The following TAS2R1 variants were observed in gnomAD, a reference collection of about 807,000 sequenced individuals.
TAS2R1 encodes taste 2 receptor member 1.
For missense variants in TAS2R1, 370 were observed against 353.4 expected (o/e 1.05, Z -0.38); for synonymous variants, 141 against 134.2 (o/e 1.05, Z -0.35).
chr5:9,892,898 C>T, the TAS2R1 span, among the ~76,000 whole-genome samples: 1 of 152,156 alleles, frequency 6.6e-6, no homozygotes, highest in Non-Finnish European at 1.5e-5. Flanking sequence ...ACCAAGTATC[C>T]CTGCATTCAT....
the TAS2R1 span, among the ~76,000 whole-genome samples, chr5:9,743,385 T>G: frequency 6.6e-6 from 1 of 152,110 alleles, no homozygotes; most frequent in South Asian, 2.1e-4. Context: ...TTGTTACATA[T>G]GTATACATGT....
the TAS2R1 span, among the ~76,000 whole-genome samples, chr5:9,762,745 GAGA>G: frequency 3.4e-4 from 52 of 152,168 alleles, no homozygotes; most frequent in African/African-American, 1.2e-3. Context: ...CACACCACTT[GAGA>G]AGAAGATCTC....
the TAS2R1 span, among the ~76,000 whole-genome samples, chr5:9,887,265 T>C: frequency 6.6e-6 from 1 of 152,196 alleles, no homozygotes; most frequent in African/African-American, 2.4e-5. Flanking sequence ...CACCAACTGG[T>C]ATGAAAGTAT....
chr5:9,704,329 C>T lies in TAS2R1; in HGVS notation c.-242+7843G>A, dbSNP rs562370895. ...TCTTCTTTTTTTATTGACCCATGTT[C>T]TTTATCTACTTTCTGCAGCAACAGC... On this transcript the variant is annotated intron_variant, in intron 1 of 2. Coordinates refer to the TAS2R1 transcript ENST00000506620. Among the ~76,000 whole-genome samples the T allele has an allele frequency of 4.0e-5, 6 of 151,150 alleles. No homozygotes were observed. In the South Asian group the frequency reaches 1.3e-3, roughly 32 times the overall value.
chr5:9,632,886 T>C (rs958335156), upstream of TAS2R1, among the ~76,000 whole-genome samples: 8 of 148,520 alleles, frequency 5.4e-5, no homozygotes, highest in African/African-American at 2.0e-4. Context: ...ATTGTTGGTG[T>C]TTTTTTTTTA....
the TAS2R1 span, among the ~76,000 whole-genome samples, chr5:9,841,478 C>T: frequency 6.6e-6 from 1 of 152,246 alleles, no homozygotes; most frequent in East Asian, 1.9e-4. Flanking sequence ...TTCTGATGTA[C>T]TGAATTTGCT....
At chr5:9,674,058 T>C (rs568475419) in intron 1 of TAS2R1, among the ~76,000 whole-genome samples, 5 of 152,318 alleles carry the variant, frequency 3.3e-5, no homozygotes, top group Admixed American at 6.5e-5. Context: ...ATCAGCAATA[T>C]GGTCCTCTCA....
At chr5:9,887,073 T>G in the TAS2R1 span, among the ~76,000 whole-genome samples, 2 of 152,202 alleles carry the variant, frequency 1.3e-5, no homozygotes, top group Non-Finnish European at 2.9e-5. Flanking sequence ...GTCACTTACA[T>G]GGAGACTACC....
At chr5:9,858,743 A>C in the TAS2R1 span, among the ~76,000 whole-genome samples, 1 of 152,208 alleles carries the variant, frequency 6.6e-6, no homozygotes, top group Non-Finnish European at 1.5e-5. Flanking sequence ...CTTAGACTGA[A>C]TGGTTGTTAC....
At chr5:9,762,645 C>A in the TAS2R1 span, among the ~76,000 whole-genome samples, 1 of 152,274 alleles carries the variant, frequency 6.6e-6, no homozygotes, top group Admixed American at 6.5e-5. Flanking sequence ...CCCTTGAGTC[C>A]TGGTGTTTAA....
Position 9,629,453 on chromosome 5 carries a change from C to G in TAS2R1, c.580G>C (p.Val194Leu), listed in dbSNP as rs1484461292. Residue 194 changes from valine (V) to leucine (L), a missense_variant, in exon 1 of 1, where the codon GTT becomes CTT. Val to Leu is a conservative substitution (Grantham distance 32). Transcript: ENST00000382492. ...CCCAGAGAGAAAATCAAGAGCAAAA[C>G]AGCAAAAAGGAAGATAAGCAATGGC... ...SVPLLIFLFA[V>L]LLLIFSLGRH... 6.2e-7 allele frequency: 1 copy of G among 1,614,038 alleles called. No homozygotes were observed. The highest frequency in any genetic ancestry group is 1.7e-5 in the Admixed American group (1 of 60,006).
At chr5:9,824,935 T>A in the TAS2R1 span, among the ~76,000 whole-genome samples, 5 of 150,672 alleles carry the variant, frequency 3.3e-5, no homozygotes, top group African/African-American at 1.2e-4. Context: ...TATGCAAACA[T>A]GGACATCTCC....
At chr5:9,777,193 A>T in the TAS2R1 span, among the ~76,000 whole-genome samples, 2 of 152,220 alleles carry the variant, frequency 1.3e-5, no homozygotes, top group Admixed American at 1.3e-4. Context: ...TTCATGAAAG[A>T]TTTCTCTGAA....
intron 1 of TAS2R1, among the ~76,000 whole-genome samples, chr5:9,697,710 C>A (rs2126522772): frequency 6.6e-6 from 1 of 152,204 alleles, no homozygotes. Context: ...AAACTATTTG[C>A]TATATTTTAA....
chr5:9,756,619 C>T, the TAS2R1 span, among the ~76,000 whole-genome samples: 1 of 152,204 alleles, frequency 6.6e-6, no homozygotes, highest in South Asian at 2.1e-4. Context: ...TTATGTTTGT[C>T]TTTTCATACA....
the TAS2R1 span, among the ~76,000 whole-genome samples, chr5:9,812,776 G>A: frequency 6.6e-6 from 1 of 152,154 alleles, no homozygotes; most frequent in Non-Finnish European, 1.5e-5. Flanking sequence ...AACAGTTCAT[G>A]GGTAGTGAAA....
upstream of TAS2R1, among the ~76,000 whole-genome samples, chr5:9,633,666 T>C (rs1217064581): frequency 6.6e-6 from 1 of 152,100 alleles, no homozygotes; most frequent in Non-Finnish European, 1.5e-5. Flanking sequence ...TGGTATCTCA[T>C]AGTGGTTTTA....
the TAS2R1 span, among the ~76,000 whole-genome samples, chr5:9,896,135 C>T: frequency 6.6e-5 from 10 of 152,218 alleles, no homozygotes; most frequent in African/African-American, 2.4e-4. Flanking sequence ...AGCTTCCCCG[C>T]CTCCCCAGGC....
the TAS2R1 span, among the ~76,000 whole-genome samples, chr5:9,768,029 C>G: frequency 1.3e-5 from 2 of 152,016 alleles, no homozygotes; most frequent in Non-Finnish European, 2.9e-5. Flanking sequence ...TTCCTGAGGC[C>G]GACAGGCATG....
Sources: gnomAD v4.1 joint callset for allele counts (sites outside exome capture counted in the v4.1 genomes callset) on GRCh38, gnomAD v4.1.1 for gene constraint, MANE v1.5 for transcripts, NCBI Gene and HGNC (gene_info 2026-07-23, HGNC 2026-07-21) for gene names.